Variants in LRRC8D observed in about 807,000 individuals in gnomAD.
The protein encoded by LRRC8D is leucine rich repeat containing 8 VRAC subunit D.
In LRRC8D, 20 loss-of-function variants were observed where a neutral mutation model predicts 55.8. The ratio of observed to expected loss-of-function variants is 0.36; its 90% CI spans 0.25 to 0.52. The LOEUF is 0.52. Among genes scored for constraint, LRRC8D ranks in the 20% least tolerant of loss-of-function variants. The probability of loss-of-function intolerance (pLI) is 0.93; values close to 1 mark genes in which losing one functional copy is unlikely to be tolerated. For synonymous variants in LRRC8D, 352 were observed against 377.0 expected (o/e 0.93, Z 0.77); for missense variants, 651 against 1,030.8 (o/e 0.63, Z 5.05).
intron 1 of LRRC8D, among the ~76,000 whole-genome samples, chr1:89,832,220 C>G (rs1414226547): frequency 1.3e-5 from 2 of 152,102 alleles, no homozygotes; most frequent in Admixed American, 1.3e-4. Flanking sequence ...GTACATACAC[C>G]CTCTTTGAAA....
In LRRC8D at chr1:89,911,539, A is replaced by G. The variant is rs946273171; in HGVS notation, c.-2-21528A>G. Reference sequence around the variant, plus strand: ...CATCTTGGTACTCTCTCACCCTGCTACTTCCAACTTTTACCCCTCTACTCC... The same window carrying G: ...CATCTTGGTACTCTCTCACCCTGCTGCTTCCAACTTTTACCCCTCTACTCC... On this transcript the variant is annotated intron_variant, in intron 2 of 2. Transcript: ENST00000337338. This position sits in a 1 kb window ranked among gnomAD's most constrained non-coding sequence, Gnocchi z 4.0. Among the ~76,000 whole-genome samples, 5 of 152,178 alleles carry G rather than the reference A, an allele frequency of 3.3e-5. No individual in the cohort carries two copies. The highest frequency in any genetic ancestry group is 4.8e-5 in the African/African-American group (2 of 41,446).
rs868826602 is a variant in LRRC8D, at chr1:89,925,241, T to G, written c.-2-7826T>G. On this transcript the variant is annotated intron_variant, in intron 2 of 2. Coordinates refer to ENST00000337338, the MANE Select transcript of LRRC8D (RefSeq NM_001134479.2). ...AGGTTCTGCTATCCTTGTGAGAATC[T>G]AATGTCCGATGATTTGTCACTGTCT... Among the ~76,000 whole-genome samples the G allele has an allele frequency of 6.6e-5, 10 of 152,306 alleles. No homozygotes were observed. The South Asian group carries it at 1.7e-3, about 25-fold the overall frequency.
rs745359496 is a variant in LRRC8D at position 89,843,622 on chromosome 1, C to G, written c.-147-16C>G. The G allele has an allele frequency of 5.7e-6, 4 of 702,236 alleles. No homozygotes were observed. Among genetic ancestry groups the G allele is most frequent in the Non-Finnish European group, 1.0e-5 (4 of 384,852 alleles). 43.5% of individuals were successfully genotyped at this position (702,236 alleles called of 1,614,324 possible). A position where few individuals can be genotyped will look rare whatever the true frequency, so the allele number is the denominator to read the frequency against. On this transcript the variant is annotated splice_polypyrimidine_tract_variant and intron_variant, in intron 1 of 2. Transcript: ENST00000337338. ...GGATCTCTCTAGCTCTTTCTCTCCCCTGTGTTTTCAAACAGGAAGTGCACG... is the reference window on the plus strand; with the variant it reads ...GGATCTCTCTAGCTCTTTCTCTCCCGTGTGTTTTCAAACAGGAAGTGCACG...
intron 1 of LRRC8D, chr1:89,822,043 C>T (rs1477931756): frequency 1.3e-5 from 2 of 152,552 alleles, no homozygotes; most frequent in Non-Finnish European, 2.9e-5. Context: ...CCAGCACCTC[C>T]AGTTACTGGA....
chr1:89,859,441 G>A (rs1248053212), intron 2 of LRRC8D, among the ~76,000 whole-genome samples: 5 of 152,046 alleles, frequency 3.3e-5, no homozygotes, highest in Non-Finnish European at 7.4e-5. Flanking sequence ...TTAACTTGTC[G>A]AAATTGTTGT....
chr1:89,919,154 G>C (rs1663349802), intron 2 of LRRC8D, among the ~76,000 whole-genome samples: 1 of 152,180 alleles, frequency 6.6e-6, no homozygotes, highest in African/African-American at 2.4e-5. Flanking sequence ...AAACTACCAA[G>C]TAATCCTTTT....
intron 2 of LRRC8D, among the ~76,000 whole-genome samples, chr1:89,916,984 C>T (rs1464156477): frequency 1.3e-5 from 2 of 152,130 alleles, no homozygotes; most frequent in African/African-American, 4.8e-5. Flanking sequence ...TGATGTGAAA[C>T]ATTATCTGTG....
chr1:89,883,789 G>A (rs74644750), intron 2 of LRRC8D, among the ~76,000 whole-genome samples: 309 of 152,294 alleles, frequency 2.0e-3, no homozygotes, highest in African/African-American at 6.8e-3. Context: ...CTGAACGTTC[G>A]TCTCTTAGGA....
At chr1:89,824,955 GTTTT>G (rs1196902352) in intron 1 of LRRC8D, among the ~76,000 whole-genome samples, 3 of 152,178 alleles carry the variant, frequency 2.0e-5, no homozygotes, top group African/African-American at 7.2e-5. Flanking sequence ...AGATAATCAT[GTTTT>G]GGATAGTCAA....
intron 2 of LRRC8D, among the ~76,000 whole-genome samples, chr1:89,853,893 G>A (rs764881443): frequency 1.4e-4 from 21 of 152,134 alleles, no homozygotes; most frequent in Non-Finnish European, 2.6e-4. Context: ...GATACACGCG[G>A]GTGTGTACAC....
chr1:89,836,144 C>A (rs1365699391), intron 1 of LRRC8D, among the ~76,000 whole-genome samples: 7 of 152,156 alleles, frequency 4.6e-5, no homozygotes, highest in African/African-American at 1.4e-4. Flanking sequence ...CTCACTTTTA[C>A]ATTTCCTAGG....
rs150064415 is a variant in LRRC8D at position 89,823,650 on chromosome 1, C to A, written c.-148+2359C>A. ...TGGTGTTTGACATTCTAAGAAACAC[C>A]AGTTAATATTTGTTGAGTGCCAGCA... is the stretch of plus-strand genomic sequence containing the variant. On this transcript the variant is annotated intron_variant, in intron 1 of 2. Coordinates refer to ENST00000337338, the MANE Select transcript of LRRC8D (RefSeq NM_001134479.2). Among the ~76,000 whole-genome samples the A allele has an allele frequency of 1.2e-4, 19 of 152,204 alleles. No homozygotes were observed. The East Asian group carries it at 3.7e-3, about 29-fold the overall frequency.
chr1:89,934,055 T>C lies in LRRC8D; in HGVS notation c.987T>C (p.Phe329=). Residue 329 remains phenylalanine (F), a synonymous_variant, in exon 3 of 3, where the codon TTT becomes TTC. Coordinates refer to ENST00000337338, the MANE Select transcript of LRRC8D (RefSeq NM_001134479.2). This position sits in a 1 kb window ranked among gnomAD's most constrained non-coding sequence, Gnocchi z 5.9. ...FIFILCYTAN[F]VNAISFEHVC... ...TTATTCTCTGCTATACAGCGAACTT[T>C]GTCAACGCAATCAGCTTTGAACACG... The C allele has an allele frequency of 6.2e-7, 1 of 1,614,210 alleles. No homozygotes were observed. Among genetic ancestry groups the C allele is most frequent in the Non-Finnish European group, 8.5e-7 (1 of 1,180,032 alleles).
intron 2 of LRRC8D, among the ~76,000 whole-genome samples, chr1:89,860,301 C>A (rs1485361075): frequency 6.6e-6 from 1 of 152,196 alleles, no homozygotes; most frequent in Non-Finnish European, 1.5e-5. Flanking sequence ...TAAACTAAAT[C>A]TTTTATGCGA....
At position 89,872,860 on chromosome 1, in the gene LRRC8D, T is replaced by G. The variant is rs2816852; in HGVS notation, c.-3+29078T>G. Among the ~76,000 whole-genome samples, 1,138 of 152,348 alleles carry G rather than the reference T, an allele frequency of 7.5e-3. 8 individuals carry two copies. Among genetic ancestry groups the G allele is most frequent in the African/African-American group, 0.026 (1,094 of 41,572 alleles). ...GTGTGTGCAAAGCTTTCATGAATGC[T>G]TTTAAGAAGTTGAACTCTTAATATT... On this transcript the variant is annotated intron_variant, in intron 2 of 2. Transcript: ENST00000337338.
chr1:89,857,080 A>C (rs151144394), intron 2 of LRRC8D, among the ~76,000 whole-genome samples: 2 of 152,298 alleles, frequency 1.3e-5, no homozygotes, highest in Non-Finnish European at 2.9e-5. Context: ...CTTTTCAACA[A>C]GACATTAAGA....
At chr1:89,892,783 G>A (rs1411034211) in intron 2 of LRRC8D, among the ~76,000 whole-genome samples, 1 of 152,212 alleles carries the variant, frequency 6.6e-6, no homozygotes, top group African/African-American at 2.4e-5. Flanking sequence ...GCCTTCCAAA[G>A]TGCTGGGATT....
chr1:89,898,858 A>G (rs1482085777), intron 2 of LRRC8D, among the ~76,000 whole-genome samples: 1 of 152,228 alleles, frequency 6.6e-6, no homozygotes, highest in East Asian at 1.9e-4. Flanking sequence ...CAGATAGAGT[A>G]GAGGAATGTT....
At chr1:89,928,840 C>G (rs545056180) in intron 2 of LRRC8D, among the ~76,000 whole-genome samples, 1 of 152,316 alleles carries the variant, frequency 6.6e-6, no homozygotes, top group African/African-American at 2.4e-5. Flanking sequence ...AACAATGTCT[C>G]TGCTGTGTGG....
Sources: gnomAD v4.1 joint callset for allele counts (sites outside exome capture counted in the v4.1 genomes callset) on GRCh38, gnomAD v4.1.1 for gene constraint, Gnocchi (gnomAD v3.1) non-coding constraint, MANE v1.5 for transcripts, NCBI Gene and HGNC (gene_info 2026-07-23, HGNC 2026-07-21) for gene names.